PTGER1: variants seen among roughly 807,000 people sequenced by gnomAD.
The protein encoded by PTGER1 is prostaglandin E2 receptor EP1 subtype.
PTGER1 carries 15 observed loss-of-function variants against 18.5 expected under a neutral mutation model. The observed-to-expected ratio is 0.81, with a 90% CI of 0.54 to 1.25. The LOEUF (loss-of-function observed/expected upper bound fraction) is 1.25. Ranked by LOEUF, PTGER1 falls within the 50% of genes most tolerant of loss-of-function variation. PTGER1 has a pLI of 0.00. For missense variants in PTGER1, 567 were observed against 603.4 expected (o/e 0.94, Z 0.63); for synonymous variants, 339 against 308.4 (o/e 1.10, Z -1.04).
In PTGER1 at chr19:14,473,371, C is replaced by A; in HGVS notation, c.942+8G>T. The A allele has an allele frequency of 1.3e-6, 2 of 1,568,800 alleles. No individual in the cohort carries two copies. Among genetic ancestry groups the A allele is most frequent in the Admixed American group, 1.9e-5 (1 of 53,872 alleles). ...GAGCGTGGCTCGAGGGGCCGGTGCG[C>A]CCCTCACCAGCATTGGGCTCCAGCA... On this transcript the variant is annotated splice_region_variant and intron_variant, in intron 2 of 2. Coordinates refer to ENST00000292513, the MANE Select transcript of PTGER1 (RefSeq NM_000955.3). This position sits in a 1 kb window ranked among gnomAD's most constrained non-coding sequence, Gnocchi z 7.1.
chr19:14,474,168 C>T lies in PTGER1; in HGVS notation c.153G>A (p.Leu51=). The change falls in exon 2 of 3, where the codon CTG becomes CTA. Residue 51 remains leucine (L), a synonymous_variant. Coordinates refer to ENST00000292513, the MANE Select transcript of PTGER1 (RefSeq NM_000955.3). The surrounding 1 kb of genome is among the most constrained non-coding windows in gnomAD (Gnocchi z 5.4). The part of the protein sequence containing the change: ...FSMTLGAVSN[L]LALALLAQAA... ...CCTGCGCCAGCAGCGCCAGCGCCAG[C>T]AGGTTGGACACGGCGCCCAGCGTCA... is the stretch of plus-strand genomic sequence containing the variant. The T allele has an allele frequency of 6.7e-7, 1 of 1,484,506 alleles. No individual in the cohort carries two copies. Among genetic ancestry groups the T allele is most frequent in the South Asian group, 1.3e-5 (1 of 79,072 alleles). 92.0% of individuals were successfully genotyped at this position (1,484,506 alleles called of 1,614,324 possible). A position where few individuals can be genotyped will look rare whatever the true frequency, so the allele number is the denominator to read the frequency against.
chr19:14,473,637 G>T lies in PTGER1; in HGVS notation c.684C>A (p.Ala228=). ...ALVCNTLSGL[A]LLRARWRRRS... is the part of the protein sequence containing the mutation. ...GGCGTCGCCAGCGGGCGCGTAGCAG[G>T]GCCAGGCCGCTGAGCGTGTTGCACA... Residue 228 remains alanine, a synonymous_variant, in exon 2 of 3, where the codon GCC becomes GCA. Coordinates refer to ENST00000292513, the MANE Select transcript of PTGER1 (RefSeq NM_000955.3). The surrounding 1 kb of genome is among the most constrained non-coding windows in gnomAD (Gnocchi z 7.1). 1 of 1,479,316 alleles carries T rather than the reference G, an allele frequency of 6.8e-7. No individual in the cohort carries two copies. The allele number at this position is 1,479,316 out of a possible 1,614,324, so 91.6% of individuals were successfully genotyped here.
chr19:14,474,972 T>C lies in PTGER1; in HGVS notation c.-18+290A>G, dbSNP rs1218717056. ...GGTCTCTCGCCAGGCCCTACCCCGA[T>C]CACCTCTGCCTCACCCTGGGTGCCC... On this transcript the variant is annotated intron_variant, in intron 1 of 2. Coordinates refer to ENST00000292513, the MANE Select transcript of PTGER1 (RefSeq NM_000955.3). This position sits in a 1 kb window ranked among gnomAD's most constrained non-coding sequence, Gnocchi z 5.4. Among the ~76,000 whole-genome samples, 4 of 152,084 alleles carry C rather than the reference T, an allele frequency of 2.6e-5. No homozygotes were observed. Among genetic ancestry groups the C allele is most frequent in the Non-Finnish European group, 5.9e-5 (4 of 68,008 alleles).
chr19:14,474,349 AGAG>A lies in PTGER1; in HGVS notation c.-17-15_-17-13del. 6.8e-7 allele frequency: 1 copy of A among 1,480,962 alleles called. No individual in the cohort carries two copies. Among genetic ancestry groups the A allele is most frequent in the South Asian group, 1.3e-5 (1 of 79,018 alleles). The allele number at this position is 1,480,962 out of a possible 1,614,324, so 91.7% of individuals were successfully genotyped here. On this transcript the variant is annotated splice_polypyrimidine_tract_variant and intron_variant, in intron 1 of 2. Transcript: ENST00000292513. This position sits in a 1 kb window ranked among gnomAD's most constrained non-coding sequence, Gnocchi z 5.4. ...AGGCGCCAGGGGTGCTGGATAGAGG[AGAG>A]GAGGGCAGAGTGAGGCTGGCTGGGC...
Position 14,474,299 on chromosome 19 carries a change from T to A in PTGER1, c.22A>T (p.Asn8Tyr), listed in dbSNP as rs1167081450. The A allele has an allele frequency of 2.0e-6, 3 of 1,529,514 alleles. No homozygotes were observed. The highest frequency in any genetic ancestry group is 2.6e-6 in the Non-Finnish European group (3 of 1,144,404). 94.7% of individuals were successfully genotyped at this position (1,529,514 alleles called of 1,614,324 possible). MSPCGPL[N>Y]LSLAGEATTC... ...GTCGCCTCGCCCGCCAGGCTCAGGTTGAGGGGCCCGCAAGGGCTCATGTCA... is the reference window on the plus strand; with the variant it reads ...GTCGCCTCGCCCGCCAGGCTCAGGTAGAGGGGCCCGCAAGGGCTCATGTCA... The change falls in exon 2 of 3, where the codon AAC (asparagine) becomes TAC (tyrosine). Residue 8 changes from asparagine (N) to tyrosine (Y), a missense_variant. Coordinates refer to ENST00000292513, the MANE Select transcript of PTGER1 (RefSeq NM_000955.3). This position sits in a 1 kb window ranked among gnomAD's most constrained non-coding sequence, Gnocchi z 5.4.
rs2071587053 is a variant in PTGER1, at chr19:14,473,557, G to GC, written c.763dup (p.Ala255GlyfsTer?). ...GGCGGAGGCCGAGCGGGGTCCGTGC[G>GC]CCCCCCAGCGACGCCGGCTGTCGGG... On this transcript the variant is annotated frameshift_variant, in exon 2 of 3. Coordinates refer to ENST00000292513, the MANE Select transcript of PTGER1 (RefSeq NM_000955.3). LOFTEE classifies it high-confidence loss of function. This position sits in a 1 kb window ranked among gnomAD's most constrained non-coding sequence, Gnocchi z 7.1. 3 of 1,523,754 alleles carry GC rather than the reference G, an allele frequency of 2.0e-6. No individual in the cohort carries two copies. The highest frequency in any genetic ancestry group is 2.5e-5 in the East Asian group (1 of 39,216). 94.4% of individuals were successfully genotyped at this position (1,523,754 alleles called of 1,614,324 possible).
At position 14,473,228 on chromosome 19, in the gene PTGER1, G is replaced by C; in HGVS notation, c.942+151C>G. 7.2e-7 allele frequency: 1 copy of C among 1,391,764 alleles called. No individual in the cohort carries two copies. Among genetic ancestry groups the C allele is most frequent in the Non-Finnish European group, 9.5e-7 (1 of 1,057,932 alleles). The allele number at this position is 1,391,764 out of a possible 1,614,324, so 86.2% of individuals were successfully genotyped here. ...TGGGAGGTCAGATGGAGAAGGCGAT[G>C]CTGGCTTTCGGGGCAGGTGGGGCCT... On this transcript the variant is annotated intron_variant, in intron 2 of 2. Coordinates refer to ENST00000292513, the MANE Select transcript of PTGER1 (RefSeq NM_000955.3). This position sits in a 1 kb window ranked among gnomAD's most constrained non-coding sequence, Gnocchi z 7.1.
chr19:14,473,557 GCCCC>G lies in PTGER1; in HGVS notation c.760_763del (p.Gly254ArgfsTer127). 6.6e-7 allele frequency: 1 copy of G among 1,523,754 alleles called. No homozygotes were observed. Among genetic ancestry groups the G allele is most frequent in the Non-Finnish European group, 8.8e-7 (1 of 1,141,432 alleles). The allele number at this position is 1,523,754 out of a possible 1,614,324, so 94.4% of individuals were successfully genotyped here. Reference sequence around the variant, plus strand: ...GGCGGAGGCCGAGCGGGGTCCGTGCGCCCCCCAGCGACGCCGGCTGTCGGGGCCT... The same window carrying G: ...GGCGGAGGCCGAGCGGGGTCCGTGCGCCAGCGACGCCGGCTGTCGGGGCCT... On this transcript the variant is annotated frameshift_variant, in exon 2 of 3. Transcript: ENST00000292513. LOFTEE classifies it high-confidence loss of function. This position sits in a 1 kb window ranked among gnomAD's most constrained non-coding sequence, Gnocchi z 7.1.
In PTGER1 at chr19:14,472,623, T is replaced by C. The variant is rs745336822; in HGVS notation, c.1146A>G (p.Thr382=). Residue 382 remains threonine, a synonymous_variant, in exon 3 of 3, where the codon ACA becomes ACG. Coordinates refer to ENST00000292513, the MANE Select transcript of PTGER1 (RefSeq NM_000955.3). ...GCGAGCTGGCCTCCCAGGCGCTCGG[T>C]GTTAGGCCCAGCCCCGCGGGGCCGC... ...AKGGPAGLGL[T]PSAWEASSLR... The C allele has an allele frequency of 6.2e-7, 1 of 1,605,374 alleles. No homozygotes were observed. Among genetic ancestry groups the C allele is most frequent in the Non-Finnish European group, 8.5e-7 (1 of 1,177,558 alleles).
In PTGER1 at chr19:14,474,895, GCCATGGACCCATCTCTGCCCCTGCC is replaced by G. The variant is rs1288344135; in HGVS notation, c.-18+342_-18+366del. On this transcript the variant is annotated intron_variant, in intron 1 of 2. Coordinates refer to ENST00000292513, the MANE Select transcript of PTGER1 (RefSeq NM_000955.3). The surrounding 1 kb of genome is among the most constrained non-coding windows in gnomAD (Gnocchi z 5.4). ...CCCCACATGGCACAGCCACATCTGT[GCCATGGACCCATCTCTGCCCCTGCC>G]CCATGGACCTGCCTCTGCTCCACTG... Among the ~76,000 whole-genome samples the G allele has an allele frequency of 6.6e-6, 1 of 151,990 alleles. No homozygotes were observed. The highest frequency in any genetic ancestry group is 1.5e-5 in the Non-Finnish European group (1 of 67,984).
chr19:14,475,052 C>T (rs1421596148), intron 1 of PTGER1, among the ~76,000 whole-genome samples: 1 of 152,220 alleles, frequency 6.6e-6, no homozygotes, highest in Non-Finnish European at 1.5e-5. Context: ...CCACGACCAT[C>T]CACTCTTTGA....
In PTGER1 at chr19:14,473,427, C is replaced by G; in HGVS notation, c.894G>C (p.Gln298His). Reference sequence around the variant, plus strand: ...ACGACACCACCATGATACCGACAAGCTGGCCCACCATCTCCACGTCGTGGG... The same window carrying G: ...ACGACACCACCATGATACCGACAAGGTGGCCCACCATCTCCACGTCGTGGG... ...ARAHDVEMVGQLVGIMVVSCI... is the reference protein window; with the variant it reads ...ARAHDVEMVGHLVGIMVVSCI... Residue 298 changes from glutamine to histidine, a missense_variant, in exon 2 of 3, where the codon CAG becomes CAC. Coordinates refer to ENST00000292513, the MANE Select transcript of PTGER1 (RefSeq NM_000955.3). This position sits in a 1 kb window ranked among gnomAD's most constrained non-coding sequence, Gnocchi z 7.1. The G allele has an allele frequency of 6.3e-7, 1 of 1,599,284 alleles. No homozygotes were observed. Among genetic ancestry groups the G allele is most frequent in the Non-Finnish European group, 8.5e-7 (1 of 1,175,438 alleles).
At position 14,473,260 on chromosome 19, in the gene PTGER1, G is replaced by T; in HGVS notation, c.942+119C>A. The stretch of plus-strand genomic sequence containing the variant: ...TTCGGGGCAGGTGGGGCCTCTAGGG[G>T]CCGGGGCCTTGGTTGAGTCCAGGAT... On this transcript the variant is annotated intron_variant, in intron 2 of 2. Coordinates refer to ENST00000292513, the MANE Select transcript of PTGER1 (RefSeq NM_000955.3). This position sits in a 1 kb window ranked among gnomAD's most constrained non-coding sequence, Gnocchi z 7.1. 7 of 1,470,008 alleles carry T rather than the reference G, an allele frequency of 4.8e-6. No individual in the cohort carries two copies. Among genetic ancestry groups the T allele is most frequent in the Non-Finnish European group, 6.3e-6 (7 of 1,114,808 alleles). The allele number at this position is 1,470,008 out of a possible 1,614,324, so 91.1% of individuals were successfully genotyped here.
rs2071574668 is a variant in PTGER1, at chr19:14,472,503, G to A, written c.*57C>T. The A allele has an allele frequency of 6.8e-7, 1 of 1,481,324 alleles. No individual in the cohort carries two copies. The allele number at this position is 1,481,324 out of a possible 1,614,324, so 91.8% of individuals were successfully genotyped here. ...TTTTTATTCCCAAAGGCTCTGCGCC[G>A]CGCACCTGGGCCCAGCCCAGGGTGG... On this transcript the variant is annotated 3_prime_UTR_variant, in exon 3 of 3. Coordinates refer to ENST00000292513, the MANE Select transcript of PTGER1 (RefSeq NM_000955.3).
chr19:14,473,579 CG>C lies in PTGER1; in HGVS notation c.741del (p.Asp248ThrfsTer134). 1 of 1,496,566 alleles carries C rather than the reference CG, an allele frequency of 6.7e-7. No homozygotes were observed. The highest frequency in any genetic ancestry group is 8.8e-7 in the Non-Finnish European group (1 of 1,130,894). 92.7% of individuals were successfully genotyped at this position (1,496,566 alleles called of 1,614,324 possible). On this transcript the variant is annotated frameshift_variant, in exon 2 of 3. Coordinates refer to ENST00000292513, the MANE Select transcript of PTGER1 (RefSeq NM_000955.3). LOFTEE classifies it high-confidence loss of function. The surrounding 1 kb of genome is among the most constrained non-coding windows in gnomAD (Gnocchi z 7.1). ...RSRRPPPASG[P>X]DSRRRWGAHG... ...TGCGCCCCCCAGCGACGCCGGCTGT[CG>C]GGGCCTGAGGCCGGGGGAGGCCGTC...
rs1253512505 is a variant in PTGER1, at chr19:14,473,528, A to G, written c.793T>C (p.Ser265Pro). 6.4e-7 allele frequency: 1 copy of G among 1,561,364 alleles called. No homozygotes were observed. Among genetic ancestry groups the G allele is most frequent in the Non-Finnish European group, 8.6e-7 (1 of 1,158,660 alleles). The change falls in exon 2 of 3, where the codon TCC (serine) becomes CCC (proline). Residue 265 changes from serine to proline, a missense_variant. Coordinates refer to ENST00000292513, the MANE Select transcript of PTGER1 (RefSeq NM_000955.3). This position sits in a 1 kb window ranked among gnomAD's most constrained non-coding sequence, Gnocchi z 7.1. ...AHGPRSASASSASSIASASTF... is the reference protein window; with the variant it reads ...AHGPRSASASPASSIASASTF... ...GAGGCCGAAGCGATGGACGAGGCGGACGAGGCGGAGGCCGAGCGGGGTCCG... is the reference window on the plus strand; with the variant it reads ...GAGGCCGAAGCGATGGACGAGGCGGGCGAGGCGGAGGCCGAGCGGGGTCCG...
At position 14,473,475 on chromosome 19, in the gene PTGER1, G is replaced by T. The variant is rs2071585432; in HGVS notation, c.846C>A (p.Ser282Arg). ...GGGCGCGAGCTCTGCGTGCCGAGCC[G>T]CTGCTCCGAGAGCCGCCAAAGAAGG... Reference protein sequence around the residue: ...ASTFFGGSRSSGSARRARAHD... With the variant: ...ASTFFGGSRSRGSARRARAHD... Residue 282 changes from serine (S) to arginine (R), a missense_variant, in exon 2 of 3, where the codon AGC becomes AGA. Physicochemically the swap from Ser to Arg is moderately radical, Grantham distance 110. Transcript: ENST00000292513. The surrounding 1 kb of genome is among the most constrained non-coding windows in gnomAD (Gnocchi z 7.1). The T allele has an allele frequency of 6.9e-6, 11 of 1,588,994 alleles. No homozygotes were observed. The East Asian group carries it at 2.5e-4, about 37-fold the overall frequency.
rs1372518784 is a variant in PTGER1 at position 14,472,640 on chromosome 19, C to A, written c.1129G>T (p.Ala377Ser). Residue 377 changes from alanine to serine, a missense_variant, in exon 3 of 3, where the codon GCG becomes TCG. Transcript: ENST00000292513. ...GCGCTCGGTGTTAGGCCCAGCCCCG[C>A]GGGGCCGCCCTTGGCTCCGGCCCTC... is the stretch of plus-strand genomic sequence containing the variant. ...PPRAGAKGGP[A>S]GLGLTPSAWE... 1.9e-6 allele frequency: 3 copies of A among 1,606,826 alleles called. No individual in the cohort carries two copies. Among genetic ancestry groups the A allele is most frequent in the Non-Finnish European group, 2.5e-6 (3 of 1,177,686 alleles).
Position 14,474,247 on chromosome 19 carries a change from T to C in PTGER1, c.74A>G (p.Asn25Ser), listed in dbSNP as rs1398382263. The C allele has an allele frequency of 6.5e-7, 1 of 1,529,668 alleles. No homozygotes were observed. The highest frequency in any genetic ancestry group is 1.4e-5 in the African/African-American group (1 of 72,082). 94.8% of individuals were successfully genotyped at this position (1,529,668 alleles called of 1,614,324 possible). A position where few individuals can be genotyped will look rare whatever the true frequency, so the allele number is the denominator to read the frequency against. ...ATTCAAPWVP[N>S]TSAVPPSGAS... ...GCCCGACGGCGGCACGGCCGACGTG[T>C]TGGGGACCCAGGGCGCCGCGCATGT... is the stretch of plus-strand genomic sequence containing the variant. Residue 25 changes from asparagine (N) to serine (S), a missense_variant, in exon 2 of 3, where the codon AAC becomes AGC. Coordinates refer to ENST00000292513, the MANE Select transcript of PTGER1 (RefSeq NM_000955.3). The surrounding 1 kb of genome is among the most constrained non-coding windows in gnomAD (Gnocchi z 5.4).
Sources: allele counts gnomAD v4.1 joint callset (sites outside exome capture counted in the v4.1 genomes callset), GRCh38; gene constraint gnomAD v4.1.1; non-coding constraint Gnocchi (gnomAD v3.1); transcripts MANE v1.5; gene names NCBI Gene and HGNC (gene_info 2026-07-23, HGNC 2026-07-21).